The following NAA50 variants were observed in gnomAD, a reference collection of about 807,000 sequenced individuals.
NAA50 encodes N-alpha-acetyltransferase 50.
NAA50 carries 7 observed loss-of-function variants against 20.7 expected under a neutral mutation model. That is an observed-to-expected ratio of 0.34 (90% CI 0.19 to 0.63). NAA50 has a LOEUF of 0.63. NAA50 is among the 30% of genes least tolerant of loss of function. The pLI is 0.75. For synonymous variants in NAA50, 54 were observed against 70.6 expected, an observed-to-expected ratio of 0.77 and a Z score of 1.18; for missense variants, 111 against 199.1, an observed-to-expected ratio of 0.56 and a Z score of 2.66.
At chr3:113,723,091 T>G in intron 3 of NAA50, 119 bp from the exon 4 acceptor site, 1 of 1,282,106 alleles carries the variant, frequency 7.8e-7, no homozygotes, top group South Asian at 1.8e-5. Context: ...AGGTATACAC[T>G]AGATATCCTT....
chr3:113,743,054 T>C (rs1015927024), intron 1 of NAA50, among the ~76,000 whole-genome samples: 5 of 152,190 alleles, frequency 3.3e-5, no homozygotes, highest in Non-Finnish European at 5.9e-5. Context: ...CATTTCCTAG[T>C]ATATCTCAAA....
intron 1 of NAA50, among the ~76,000 whole-genome samples, chr3:113,730,610 A>C (rs1577069784): frequency 6.6e-6 from 1 of 152,162 alleles, no homozygotes; most frequent in African/African-American, 2.4e-5. Context: ...TTAAAGTTCA[A>C]CTCCCAAGCA....
At position 113,723,488 on chromosome 3, in the gene NAA50, G is replaced by C; in HGVS notation, c.199C>G (p.Gln67Glu). 1.2e-6 allele frequency: 2 copies of C among 1,613,042 alleles called. No individual in the cohort carries two copies. The highest frequency in any genetic ancestry group is 1.7e-6 in the Non-Finnish European group (2 of 1,179,428). ...GAVCCRVDHS[Q>E]NQKRLYIMTL... The stretch of plus-strand genomic sequence containing the variant: ...ATGATGTAAAGTCTCTTCTGATTCT[G>C]TGAATGATCCACCCTACAGCATACT... The change falls in exon 3 of 5, where the codon CAG becomes GAG. Residue 67 changes from glutamine to glutamate, a missense_variant. Physicochemically the swap from Gln to Glu is conservative, Grantham distance 29. Coordinates refer to ENST00000240922, the MANE Select transcript of NAA50 (RefSeq NM_025146.4).
Position 113,746,048 on chromosome 3 carries a change from G to T in NAA50, c.-99C>A, listed in dbSNP as rs1480364583. ...CCCTTAGCTCGGGCCACTCAACCCCGCAAGCCGGCCTCCTAGCCTGGGCAG... is the reference window on the plus strand; with the variant it reads ...CCCTTAGCTCGGGCCACTCAACCCCTCAAGCCGGCCTCCTAGCCTGGGCAG... On this transcript the variant is annotated 5_prime_UTR_variant, in exon 1 of 5. Coordinates refer to ENST00000240922, the MANE Select transcript of NAA50 (RefSeq NM_025146.4). 2 of 1,506,556 alleles carry T rather than the reference G, an allele frequency of 1.3e-6. No homozygotes were observed. Among genetic ancestry groups the T allele is most frequent in the Admixed American group, 3.8e-5 (2 of 51,954 alleles). The allele number at this position is 1,506,556 out of a possible 1,614,324, so 93.3% of individuals were successfully genotyped here. A position where few individuals can be genotyped will look rare whatever the true frequency, so the allele number is the denominator to read the frequency against.
intron 1 of NAA50, 178 bp downstream of exon 1, chr3:113,745,764 C>G: frequency 1.3e-6 from 1 of 745,366 alleles, no homozygotes; most frequent in African/African-American, 1.8e-5. Context: ...TTCAGCCCGC[C>G]AACAGCCCGA....
intron 1 of NAA50, among the ~76,000 whole-genome samples, chr3:113,743,863 G>A (rs2566969): frequency 7.2e-5 from 11 of 152,156 alleles, no homozygotes; most frequent in African/African-American, 2.7e-4. Context: ...TTTAAACAGA[G>A]ATAATTGCTC....
intron 1 of NAA50, among the ~76,000 whole-genome samples, chr3:113,725,885 C>T (rs1708192769): frequency 6.6e-6 from 1 of 152,110 alleles, no homozygotes; most frequent in Non-Finnish European, 1.5e-5. Flanking sequence ...ATGTATTACT[C>T]TATAATGCCC....
At chr3:113,744,450 C>A (rs1425344782) in intron 1 of NAA50, among the ~76,000 whole-genome samples, 1 of 151,106 alleles carries the variant, frequency 6.6e-6, no homozygotes, top group Non-Finnish European at 1.5e-5. Flanking sequence ...GGCAACAGAG[C>A]CAGACCCTGC....
intron 1 of NAA50, among the ~76,000 whole-genome samples, chr3:113,732,480 G>A (rs924234545): frequency 4.6e-5 from 7 of 152,148 alleles, no homozygotes; most frequent in African/African-American, 1.7e-4. Context: ...TTATAGTACA[G>A]GAGGCTAGAA....
Position 113,721,805 on chromosome 3 carries a change from T to G in NAA50, c.465A>C (p.Lys155Asn). The G allele has an allele frequency of 6.2e-7, 1 of 1,613,964 alleles. No individual in the cohort carries two copies. The highest frequency in any genetic ancestry group is 2.2e-5 in the East Asian group (1 of 44,878). The change falls in exon 5 of 5, where the codon AAA becomes AAC. Residue 155 changes from lysine to asparagine, a missense_variant. Physicochemically the swap from Lys to Asn is moderately conservative, Grantham distance 94. Coordinates refer to ENST00000240922, the MANE Select transcript of NAA50 (RefSeq NM_025146.4). ...CATCTGCATTCTGACCAGAAGGAAC[T>G]TTGAGGTTTTTCTGCAGCACATGAG... ...ADAHVLQKNL[K>N]VPSGQNADVQ...
At chr3:113,730,536 A>G (rs1477660202) in intron 1 of NAA50, among the ~76,000 whole-genome samples, 2 of 152,220 alleles carry the variant, frequency 1.3e-5, no homozygotes, top group Non-Finnish European at 2.9e-5. Context: ...ACAAATACAT[A>G]TAATCATGTA....
In NAA50 at chr3:113,720,493, T is replaced by C. The variant is rs1159986286; in HGVS notation, c.*1267A>G. On this transcript the variant is annotated 3_prime_UTR_variant, in exon 5 of 5. Coordinates refer to ENST00000240922, the MANE Select transcript of NAA50 (RefSeq NM_025146.4). ...GTGTGTGCCGGAAAATGATCTGGCA[T>C]AAACCAGTCCTCTCAGTGGAGGAGG... 6.6e-6 allele frequency: 1 copy of C among 152,654 alleles called. No individual in the cohort carries two copies. Among genetic ancestry groups the C allele is most frequent in the Non-Finnish European group, 1.5e-5 (1 of 68,014 alleles). 9.5% of individuals were successfully genotyped at this position (152,654 alleles called of 1,614,324 possible).
intron 1 of NAA50, among the ~76,000 whole-genome samples, chr3:113,744,437 C>T (rs1296302625): frequency 1.3e-5 from 2 of 151,490 alleles, no homozygotes; most frequent in Non-Finnish European, 2.9e-5. Context: ...GCACTCCAGC[C>T]TGGGCAACAG....
chr3:113,740,296 A>G (rs1188870558), intron 1 of NAA50, among the ~76,000 whole-genome samples: 1 of 152,210 alleles, frequency 6.6e-6, no homozygotes, highest in Admixed American at 6.5e-5. Flanking sequence ...CTGTATTTAC[A>G]TTTCACAAAA....
intron 1 of NAA50, among the ~76,000 whole-genome samples, chr3:113,733,699 A>C (rs2107991072): frequency 6.6e-6 from 1 of 151,934 alleles, no homozygotes; most frequent in South Asian, 2.1e-4. Context: ...TAAAAGTACC[A>C]AAAATTAGCC....
intron 1 of NAA50, among the ~76,000 whole-genome samples, chr3:113,733,853 C>CAAAAAAAAAAAAAAAAAAAA (rs58431115): frequency 4.4e-5 from 3 of 68,488 alleles, no homozygotes; most frequent in African/African-American, 1.2e-4. Context: ...ACTCTGTCTC[C>CAAAAAAAAAAAAAAAAAAAA]AAAAAAAAAA....
At chr3:113,736,411 C>T (rs1445209125) in intron 1 of NAA50, among the ~76,000 whole-genome samples, 3 of 152,108 alleles carry the variant, frequency 2.0e-5, no homozygotes, top group Non-Finnish European at 4.4e-5. Context: ...TTATAGACTC[C>T]CATCGGCTAT....
At chr3:113,721,978 G>C in intron 4 of NAA50, 41 bp from the exon 5 acceptor site, 1 of 1,575,148 alleles carries the variant, frequency 6.3e-7, no homozygotes, top group Non-Finnish European at 8.6e-7. Context: ...TTAAAATTAA[G>C]GTTTCATCAA....
At chr3:113,733,919 T>C (rs1383580630) in intron 1 of NAA50, among the ~76,000 whole-genome samples, 1 of 148,716 alleles carries the variant, frequency 6.7e-6, no homozygotes, top group African/African-American at 2.5e-5. Flanking sequence ...TATTTAGAGA[T>C]TTGGAAAAGG....
Sources: allele counts gnomAD v4.1 joint callset (sites outside exome capture counted in the v4.1 genomes callset), GRCh38; gene constraint gnomAD v4.1.1; transcripts MANE v1.5; gene names NCBI Gene and HGNC (gene_info 2026-07-23, HGNC 2026-07-21).